CTNNA3: variants seen among roughly 807,000 people sequenced by gnomAD.
The protein encoded by CTNNA3 is catenin alpha 3, also known as catenin alpha-3.
CTNNA3 carries 76 observed loss-of-function variants against 95.7 expected under a neutral mutation model. The observed-to-expected ratio is 0.79, with a 90% CI of 0.66 to 0.96. CTNNA3 has a LOEUF of 0.96. CTNNA3 is among the 40% of genes least tolerant of loss of function. The pLI, the probability that CTNNA3 is intolerant of heterozygous loss-of-function variation, is 0.00. For missense variants in CTNNA3, 1,191 were observed against 1,089.8 expected, an observed-to-expected ratio of 1.09 and a Z score of -1.31; for synonymous variants, 431 against 374.4, an observed-to-expected ratio of 1.15 and a Z score of -1.74.
At chr10:66,552,553 G>C (rs1470039158) in intron 10 of CTNNA3, among the ~76,000 whole-genome samples, 1 of 152,056 alleles carries the variant, frequency 6.6e-6, no homozygotes, top group Non-Finnish European at 1.5e-5. Flanking sequence ...ATTCAGTTCT[G>C]ATCCATGAGA....
chr10:66,590,762 G>GA (rs1212990775), intron 10 of CTNNA3, among the ~76,000 whole-genome samples: 1 of 151,842 alleles, frequency 6.6e-6, no homozygotes, highest in South Asian at 2.1e-4. Context: ...TAAAGAGGGA[G>GA]AAAAAACAGT....
chr10:66,920,401 A>G (rs781062978), intron 7 of CTNNA3, among the ~76,000 whole-genome samples: 1 of 152,164 alleles, frequency 6.6e-6, no homozygotes, highest in Non-Finnish European at 1.5e-5. Context: ...GTTGAGTCCA[A>G]ATGTTTCCTT....
chr10:67,711,442 T>G (rs9415882), intron 1 of CTNNA3, among the ~76,000 whole-genome samples: 1 of 152,158 alleles, frequency 6.6e-6, no homozygotes, highest in Non-Finnish European at 1.5e-5. Context: ...CAGATGGAGA[T>G]AGGAACTGGA....
chr10:66,289,283 C>T (rs2091639944), intron 12 of CTNNA3, among the ~76,000 whole-genome samples: 1 of 107,786 alleles, frequency 9.3e-6, no homozygotes, highest in African/African-American at 3.7e-5. Context: ...GCAAGGGGTA[C>T]AAGGTTAAGA....
At chr10:66,901,893 C>A (rs917310731) in intron 7 of CTNNA3, among the ~76,000 whole-genome samples, 2 of 152,144 alleles carry the variant, frequency 1.3e-5, no homozygotes, top group Non-Finnish European at 2.9e-5. Flanking sequence ...CTGTAGAGAC[C>A]TACAAAGAGA....
intron 9 of CTNNA3, among the ~76,000 whole-genome samples, chr10:66,649,152 C>T (rs1296311813): frequency 1.3e-5 from 2 of 151,992 alleles, no homozygotes; most frequent in Non-Finnish European, 2.9e-5. Context: ...TACTTGCAAA[C>T]ATTGCAATGA....
chr10:66,707,675 G>A (rs1283356564), intron 9 of CTNNA3, among the ~76,000 whole-genome samples: 3 of 151,986 alleles, frequency 2.0e-5, no homozygotes, highest in African/African-American at 4.8e-5. Context: ...AACTAACTCA[G>A]AGTACCAATT....
At chr10:66,334,877 G>A (rs375937576) in intron 12 of CTNNA3, among the ~76,000 whole-genome samples, 29 of 152,170 alleles carry the variant, frequency 1.9e-4, no homozygotes, top group East Asian at 9.7e-4. Context: ...CCAATCAGAC[G>A]TAGATTTGGT....
Position 66,111,629 on chromosome 10 carries a change from T to C in CTNNA3, c.1885-8380A>G, listed in dbSNP as rs576175446. On this transcript the variant is annotated intron_variant, in intron 13 of 17. Transcript: ENST00000433211. ...AGAGATAAAGGGTAAGAATATTAGA[T>C]GGAGATGAAAGATATTCCATAGAGT... Among the ~76,000 whole-genome samples, 49 of 152,252 alleles carry C rather than the reference T, an allele frequency of 3.2e-4. No individual in the cohort carries two copies. In the South Asian group the frequency reaches 7.7e-3, roughly 24 times the overall value.
rs543245992 is a variant in CTNNA3 at position 66,704,187 on chromosome 10, A to G, written c.1281+62077T>C. Among the ~76,000 whole-genome samples the G allele has an allele frequency of 3.3e-5, 5 of 152,244 alleles. 1 individual carries two copies. Among genetic ancestry groups the G allele is most frequent in the African/African-American group, 1.2e-4 (5 of 41,554 alleles). On this transcript the variant is annotated intron_variant, in intron 9 of 17. Coordinates refer to ENST00000433211, the MANE Select transcript of CTNNA3 (RefSeq NM_013266.4). Reference sequence around the variant, plus strand: ...TCATTGACTTCTATTCATCACTTTCAGTATAAAACTTCAACAGTTTATCCT... The same window carrying G: ...TCATTGACTTCTATTCATCACTTTCGGTATAAAACTTCAACAGTTTATCCT...
chr10:67,589,685 T>C (rs1842736281), intron 3 of CTNNA3, among the ~76,000 whole-genome samples: 1 of 152,154 alleles, frequency 6.6e-6, no homozygotes, highest in Non-Finnish European at 1.5e-5. Context: ...GCCTTTTCTA[T>C]TGCAATTAAA....
chr10:66,125,762 C>A (rs924978811), intron 13 of CTNNA3, among the ~76,000 whole-genome samples: 1 of 152,162 alleles, frequency 6.6e-6, no homozygotes, highest in Non-Finnish European at 1.5e-5. Flanking sequence ...AGGCTACAGA[C>A]TATATGATCC....
chr10:66,426,996 A>T (rs763441229), intron 11 of CTNNA3, among the ~76,000 whole-genome samples: 10 of 151,848 alleles, frequency 6.6e-5, no homozygotes, highest in Non-Finnish European at 1.2e-4. Context: ...ATTTCATTTA[A>T]ATTTACTTTG....
intron 5 of CTNNA3, among the ~76,000 whole-genome samples, chr10:67,511,084 G>T (rs531015381): frequency 6.6e-6 from 1 of 152,308 alleles, no homozygotes; most frequent in East Asian, 1.9e-4. Context: ...AGCTTAAGGA[G>T]ATTTGGGGCT....
intron 5 of CTNNA3, among the ~76,000 whole-genome samples, chr10:67,438,127 G>T (rs531295729): frequency 6.6e-6 from 1 of 152,112 alleles, no homozygotes; most frequent in Non-Finnish European, 1.5e-5. Context: ...GAGCACTACC[G>T]ACTCACAGCC....
At chr10:67,305,171 G>A (rs566793956) in intron 5 of CTNNA3, among the ~76,000 whole-genome samples, 5 of 152,228 alleles carry the variant, frequency 3.3e-5, no homozygotes, top group African/African-American at 9.6e-5. Flanking sequence ...AGCTACGTGG[G>A]AGGCTGAGGC....
chr10:67,265,852 C>A (rs1866803361), intron 5 of CTNNA3, among the ~76,000 whole-genome samples: 1 of 152,176 alleles, frequency 6.6e-6, no homozygotes, highest in Non-Finnish European at 1.5e-5. Flanking sequence ...AACTGACCTG[C>A]CGCAGAGAAA....
rs56401265 is a variant in CTNNA3 at position 67,548,968 on chromosome 10, A to G, written c.293-9299T>C. On this transcript the variant is annotated intron_variant, in intron 3 of 17. Transcript: ENST00000433211. ...AAGAGTCTAAATAGACATTTCTCCAAAGAAAAAATACAAATGGTCAATAAG... is the reference window on the plus strand; with the variant it reads ...AAGAGTCTAAATAGACATTTCTCCAGAGAAAAAATACAAATGGTCAATAAG... Among the ~76,000 whole-genome samples the G allele has an allele frequency of 2.8e-3, 427 of 152,304 alleles. 3 individuals carry two copies. Among genetic ancestry groups the G allele is most frequent in the African/African-American group, 9.9e-3 (410 of 41,580 alleles).
At chr10:66,575,827 GAC>G (rs995461920) in intron 10 of CTNNA3, among the ~76,000 whole-genome samples, 2 of 152,066 alleles carry the variant, frequency 1.3e-5, no homozygotes, top group Non-Finnish European at 2.9e-5. Flanking sequence ...CCGCCTTGTG[GAC>G]AAGGACATCA....
Sources: gnomAD v4.1 joint callset for allele counts (sites outside exome capture counted in the v4.1 genomes callset) on GRCh38, gnomAD v4.1.1 for gene constraint, MANE v1.5 for transcripts, NCBI Gene and HGNC (gene_info 2026-07-23, HGNC 2026-07-21) for gene names.